CDH9: variants seen among roughly 807,000 people sequenced by gnomAD.
CDH9 encodes cadherin-9.
In CDH9, 28 loss-of-function variants were observed where a neutral mutation model predicts 70.9. The observed-to-expected ratio is 0.40, with a 90% CI of 0.29 to 0.54. CDH9 has a LOEUF of 0.54. Among genes scored for constraint, CDH9 ranks in the 20% least tolerant of loss-of-function variants. The pLI is 0.59. For synonymous variants in CDH9, 409 were observed against 343.1 expected (o/e 1.19, Z -2.12); for missense variants, 874 against 984.4 (o/e 0.89, Z 1.50).
At chr5:26,926,922 C>CCCA (rs1554037350) in intron 2 of CDH9, among the ~76,000 whole-genome samples, 1 of 118,364 alleles carries the variant, frequency 8.4e-6, no homozygotes, top group Non-Finnish European at 1.7e-5. Context: ...ATACAGCCCC[C>CCCA]CCCCGCAAAA....
chr5:26,885,392 T>C (rs1358391483), intron 11 of CDH9, among the ~76,000 whole-genome samples: 2 of 152,200 alleles, frequency 1.3e-5, no homozygotes, highest in Non-Finnish European at 2.9e-5. Flanking sequence ...AATACGCATG[T>C]GTATAGCATT....
At chr5:26,948,447 A>C (rs1160655452) in intron 2 of CDH9, among the ~76,000 whole-genome samples, 1 of 152,230 alleles carries the variant, frequency 6.6e-6, no homozygotes, top group African/African-American at 2.4e-5. Context: ...AAGTCCCCAA[A>C]GACTGGGATG....
chr5:26,883,089 A>G lies in CDH9; in HGVS notation c.1883-1466T>C, dbSNP rs1484792558. Among the ~76,000 whole-genome samples, 25 of 129,622 alleles carry G rather than the reference A, an allele frequency of 1.9e-4. 2 individuals are homozygous for G. The South Asian group carries it at 6.0e-3, about 31-fold the overall frequency. The allele number at this position is 129,622 out of a possible 152,430, so 85.0% of individuals were successfully genotyped here. ...TATATATATATATATATATATATATATATATAAAACTGCAGTAAAAATGAG... is the reference window on the plus strand; with the variant it reads ...TATATATATATATATATATATATATGTATATAAAACTGCAGTAAAAATGAG... On this transcript the variant is annotated intron_variant, in intron 11 of 11. Coordinates refer to ENST00000231021, the MANE Select transcript of CDH9 (RefSeq NM_016279.4).
intron 5 of CDH9, among the ~76,000 whole-genome samples, chr5:26,904,538 T>G (rs1256994771): frequency 6.6e-6 from 1 of 152,106 alleles, no homozygotes; most frequent in Non-Finnish European, 1.5e-5. Flanking sequence ...ATCCTCACAC[T>G]AGTCCTCAAA....
At chr5:26,936,223 C>T (rs1258118066) in intron 2 of CDH9, among the ~76,000 whole-genome samples, 1 of 152,034 alleles carries the variant, frequency 6.6e-6, no homozygotes, top group Non-Finnish European at 1.5e-5. Context: ...CCAAAACCGC[C>T]TGTATCCGCA....
chr5:27,008,455 A>C (rs1253935871), intron 1 of CDH9, among the ~76,000 whole-genome samples: 1 of 151,500 alleles, frequency 6.6e-6, no homozygotes, highest in Admixed American at 6.6e-5. Context: ...GCACCACTGC[A>C]CTCCAGCCTG....
chr5:26,899,799 C>T (rs940845355), intron 7 of CDH9, among the ~76,000 whole-genome samples: 3 of 150,968 alleles, frequency 2.0e-5, no homozygotes, highest in Admixed American at 6.6e-5. Context: ...AGCAAACCAC[C>T]GTAGCACGTG....
chr5:26,907,028 ATT>A (rs1475076503), intron 3 of CDH9, among the ~76,000 whole-genome samples, 190 bp from the exon 4 acceptor site: 2 of 152,116 alleles, frequency 1.3e-5, no homozygotes, highest in East Asian at 1.9e-4. Context: ...GTGTTTCTTA[ATT>A]TTTTTGTTTA....
intron 2 of CDH9, among the ~76,000 whole-genome samples, chr5:26,959,325 G>C (rs900704190): frequency 6.6e-6 from 1 of 152,104 alleles, no homozygotes; most frequent in African/African-American, 2.4e-5. Context: ...ACAGTGAATA[G>C]AGTAGGCATA....
At chr5:26,939,555 G>A (rs535850926) in intron 2 of CDH9, among the ~76,000 whole-genome samples, 42 of 151,800 alleles carry the variant, frequency 2.8e-4, no homozygotes, top group African/African-American at 9.9e-4. Context: ...ATGTTGGGAA[G>A]CAATAATAGA....
At chr5:26,904,735 C>G (rs1256738651) in intron 5 of CDH9, among the ~76,000 whole-genome samples, 2 of 151,954 alleles carry the variant, frequency 1.3e-5, no homozygotes, top group Non-Finnish European at 2.9e-5. Context: ...GACCACCTGG[C>G]CAGTTAGTTA....
chr5:27,028,543 A>G (rs2112133045), intron 1 of CDH9, among the ~76,000 whole-genome samples: 1 of 152,114 alleles, frequency 6.6e-6, no homozygotes, highest in African/African-American at 2.4e-5. Context: ...TCATATGAAA[A>G]AGGGCATGAA....
intron 2 of CDH9, among the ~76,000 whole-genome samples, chr5:26,922,156 A>G (rs900707204): frequency 4.7e-5 from 7 of 148,440 alleles, no homozygotes; most frequent in African/African-American, 1.7e-4. Context: ...AGATGAGAGT[A>G]GAAAGTTTAT....
intron 2 of CDH9, among the ~76,000 whole-genome samples, chr5:26,924,630 T>C (rs1297582628): frequency 2.6e-5 from 4 of 151,410 alleles, no homozygotes; most frequent in Non-Finnish European, 4.4e-5. Flanking sequence ...ATATGTGCCA[T>C]GTTGGTTTGC....
chr5:27,005,840 A>G (rs1742853449), intron 1 of CDH9, among the ~76,000 whole-genome samples: 1 of 152,160 alleles, frequency 6.6e-6, no homozygotes, highest in South Asian at 2.1e-4. Flanking sequence ...TGCAGCCATA[A>G]GAAGGAATGC....
chr5:26,914,317 A>T (rs962899391), intron 3 of CDH9, among the ~76,000 whole-genome samples: 5 of 151,980 alleles, frequency 3.3e-5, no homozygotes, highest in Non-Finnish European at 5.9e-5. Context: ...TTTTATATGT[A>T]CCTTAATCTC....
At chr5:26,951,875 C>G (rs1741850935) in intron 2 of CDH9, among the ~76,000 whole-genome samples, 1 of 152,060 alleles carries the variant, frequency 6.6e-6, no homozygotes, top group Non-Finnish European at 1.5e-5. Flanking sequence ...CAAATGTGCC[C>G]ATAACACTTT....
chr5:26,919,486 G>T (rs12186894), intron 2 of CDH9, among the ~76,000 whole-genome samples: 3 of 152,104 alleles, frequency 2.0e-5, no homozygotes, highest in Non-Finnish European at 4.4e-5. Flanking sequence ...TTGAAGGGCC[G>T]TCTAGGCCAC....
intron 2 of CDH9, among the ~76,000 whole-genome samples, chr5:26,932,540 C>A (rs1382994095): frequency 2.0e-5 from 3 of 152,092 alleles, no homozygotes; most frequent in South Asian, 2.1e-4. Flanking sequence ...ATCTTCTTAT[C>A]ATTATGTAAT....
Sources: gnomAD v4.1 joint callset for allele counts (sites outside exome capture counted in the v4.1 genomes callset) on GRCh38, gnomAD v4.1.1 for gene constraint, MANE v1.5 for transcripts, NCBI Gene and HGNC (gene_info 2026-07-23, HGNC 2026-07-21) for gene names.